NOSTRIN: variants seen among roughly 807,000 people sequenced by gnomAD.
NOSTRIN encodes nitric oxide synthase trafficking.
A neutral mutation model predicts 59.0 loss-of-function variants in NOSTRIN; 63 were observed. The ratio of observed to expected loss-of-function variants is 1.07; its 90% CI spans 0.87 to 1.32. The LOEUF is 1.32. Ranked by LOEUF, NOSTRIN falls within the 40% of genes most tolerant of loss-of-function variation. The pLI is 0.00. For synonymous variants in NOSTRIN, 200 were observed against 165.4 expected (o/e 1.21, Z -1.61); for missense variants, 512 against 473.1 (o/e 1.08, Z -0.76).
In NOSTRIN at chr2:168,860,866, G is replaced by T. The variant is rs1464341675; in HGVS notation, c.1251G>T (p.Lys417Asn). The T allele has an allele frequency of 2.5e-6, 4 of 1,614,046 alleles. No homozygotes were observed. Among genetic ancestry groups the T allele is most frequent in the Non-Finnish European group, 3.4e-6 (4 of 1,179,970 alleles). The change falls in exon 14 of 16, where the codon AAG becomes AAT. Residue 417 changes from lysine to asparagine, a missense_variant. Coordinates refer to ENST00000317647, the MANE Select transcript of NOSTRIN (RefSeq NM_001039724.4). ...LMKRLENIVS[K>N]ASSGGQSNPG... ...AGAGATTAGAGAATATTGTGAGCAA[G>T]GCATCTTCTGGTGGGCAGAGCAATC...
intron 12 of NOSTRIN, among the ~76,000 whole-genome samples, chr2:168,858,909 T>C (rs1385896828): frequency 1.3e-5 from 2 of 152,226 alleles, no homozygotes; most frequent in Non-Finnish European, 2.9e-5. Flanking sequence ...TTATAAAGTT[T>C]CTAGTTCAAG....
chr2:168,859,371 C>G (rs16856061), intron 12 of NOSTRIN, 141 bp from the exon 13 acceptor site: 2 of 1,288,988 alleles, frequency 1.6e-6, no homozygotes, highest in Non-Finnish European at 2.1e-6. Flanking sequence ...TTTTTTCCTT[C>G]GGCATTTTCT....
At chr2:168,860,695 G>GA (rs1689386783) in intron 13 of NOSTRIN, 100 bp from the exon 14 acceptor site, 6 of 756,958 alleles carry the variant, frequency 7.9e-6, no homozygotes, top group African/African-American at 5.4e-5. Flanking sequence ...AAAACAAACA[G>GA]AAAAAACAAC....
rs190953725 is a variant in NOSTRIN, at chr2:168,863,271, G to A, written c.1384+1222G>A. 2.4e-5 allele frequency: 8 copies of A among 329,246 alleles called. No homozygotes were observed. The East Asian group carries it at 5.1e-4, about 21-fold the overall frequency. The allele number at this position is 329,246 out of a possible 1,614,324, so 20.4% of individuals were successfully genotyped here. ...TAATAGATTATGTCAATTTACTGAC[G>A]AGGGAGAACTTAGAGACCGAGAATA... On this transcript the variant is annotated intron_variant, in intron 15 of 15. Coordinates refer to ENST00000317647, the MANE Select transcript of NOSTRIN (RefSeq NM_001039724.4).
upstream of NOSTRIN, among the ~76,000 whole-genome samples, chr2:168,794,808 A>G (rs1025358704): frequency 1.3e-5 from 2 of 151,412 alleles, no homozygotes; most frequent in Non-Finnish European, 2.9e-5. Flanking sequence ...TTGCCTAGGC[A>G]GGTCTCAAAC....
intron 7 of NOSTRIN, among the ~76,000 whole-genome samples, chr2:168,836,311 A>G (rs939087251): frequency 6.6e-6 from 1 of 152,214 alleles, no homozygotes; most frequent in African/African-American, 2.4e-5. Flanking sequence ...AAAGCATGGC[A>G]GCTAAGTGGT....
At chr2:168,836,132 C>T (rs830194) in intron 7 of NOSTRIN, among the ~76,000 whole-genome samples, 90,970 of 152,080 alleles carry the variant, frequency 0.6, 28,072 homozygotes, top group African/African-American at 0.74. Context: ...TTATTTCTTT[C>T]CATGTCAGTC....
At chr2:168,831,568 A>G in intron 6 of NOSTRIN, 34 bp downstream of exon 6, 1 of 831,126 alleles carries the variant, frequency 1.2e-6, no homozygotes, top group Non-Finnish European at 2.1e-6. Context: ...GTGTAAACTC[A>G]GTTTTTAGAA....
At chr2:168,789,452 A>G (rs994416208) in intron 2 of NOSTRIN, among the ~76,000 whole-genome samples, 1 of 152,218 alleles carries the variant, frequency 6.6e-6, no homozygotes, top group African/African-American at 2.4e-5. Flanking sequence ...AGATCTCATG[A>G]GACTTATTCA....
chr2:168,798,772 G>A (rs538460739), upstream of NOSTRIN, among the ~76,000 whole-genome samples: 10 of 151,612 alleles, frequency 6.6e-5, no homozygotes, highest in Non-Finnish European at 1.5e-4. Context: ...AGTGTGAATG[G>A]CATACCTTCT....
chr2:168,855,913 GC>G (rs1372741567), intron 11 of NOSTRIN: 1 of 453,592 alleles, frequency 2.2e-6, no homozygotes, highest in Non-Finnish European at 4.4e-6. Flanking sequence ...CTGTGAAGCA[GC>G]TCTAAAGCAA....
intron 6 of NOSTRIN, 154 bp from the exon 7 acceptor site, chr2:168,834,073 A>G (rs1687530793): frequency 1.8e-6 from 1 of 561,578 alleles, no homozygotes; most frequent in Non-Finnish European, 3.2e-6. Context: ...ATGAAGAACT[A>G]AAAGTACACA....
At chr2:168,837,269 CTT>C (rs201670059) in intron 7 of NOSTRIN, among the ~76,000 whole-genome samples, 1 of 78,148 alleles carries the variant, frequency 1.3e-5, no homozygotes, top group Non-Finnish European at 2.8e-5. Context: ...TACAATACAT[CTT>C]TTTTTTTTAT....
chr2:168,855,702 C>A (rs1689059625), intron 11 of NOSTRIN: 2 of 451,820 alleles, frequency 4.4e-6, no homozygotes, highest in East Asian at 4.1e-5. Flanking sequence ...AAGTATTATA[C>A]TACTATTTTC....
At chr2:168,832,958 T>C (rs532047301) in intron 6 of NOSTRIN, among the ~76,000 whole-genome samples, 2 of 152,334 alleles carry the variant, frequency 1.3e-5, no homozygotes, top group African/African-American at 4.8e-5. Context: ...CATTTTCTTT[T>C]AATATTCAGC....
chr2:168,795,117 C>T (rs986835862), upstream of NOSTRIN, among the ~76,000 whole-genome samples: 3 of 152,048 alleles, frequency 2.0e-5, no homozygotes, highest in Non-Finnish European at 4.4e-5. Flanking sequence ...TAGGAAATAA[C>T]TATAAATCCA....
chr2:168,863,904 G>A (rs564890736), intron 15 of NOSTRIN, among the ~76,000 whole-genome samples: 4 of 151,790 alleles, frequency 2.6e-5, no homozygotes, highest in Non-Finnish European at 2.9e-5. Context: ...ATGATCCAAC[G>A]TGATCTTTTT....
At chr2:168,800,887 A>G (rs191261736), upstream of NOSTRIN, among the ~76,000 whole-genome samples, 42 of 145,992 alleles carry the variant, frequency 2.9e-4, no homozygotes, top group Non-Finnish European at 2.4e-4. Context: ...ACCTCAGTCT[A>G]TATCCTGTCT....
intron 2 of NOSTRIN, among the ~76,000 whole-genome samples, chr2:168,788,784 G>A: frequency 6.6e-6 from 1 of 152,194 alleles, no homozygotes; most frequent in East Asian, 1.9e-4. Flanking sequence ...AAAATTGTAA[G>A]TATCCATGTA....
Sources: gnomAD v4.1 joint callset for allele counts (sites outside exome capture counted in the v4.1 genomes callset) on GRCh38, gnomAD v4.1.1 for gene constraint, MANE v1.5 for transcripts, NCBI Gene and HGNC (gene_info 2026-07-23, HGNC 2026-07-21) for gene names.